The following TANC1 variants were observed in gnomAD, a reference collection of about 807,000 sequenced individuals.
TANC1 encodes the protein protein TANC1.
Under a neutral mutation model 149.7 loss-of-function variants are expected in TANC1, and 77 were observed. The observed-to-expected ratio is 0.51, with a 90% CI of 0.43 to 0.62. TANC1 has a LOEUF of 0.62. Among genes scored for constraint, TANC1 ranks in the 20% least tolerant of loss-of-function variants. TANC1 has a pLI of 0.00. For missense variants in TANC1, 1,985 were observed against 2,321.8 expected (o/e 0.85, Z 2.98); for synonymous variants, 854 against 925.0 (o/e 0.92, Z 1.39).
At chr2:159,133,308 A>G (rs1453967118) in intron 4 of TANC1, among the ~76,000 whole-genome samples, 1 of 151,980 alleles carries the variant, frequency 6.6e-6, no homozygotes, top group Non-Finnish European at 1.5e-5. Context: ...GTGGCAAACC[A>G]AAAGTGTATA....
chr2:158,994,374 A>G (rs1207056871), intron 1 of TANC1, among the ~76,000 whole-genome samples: 1 of 152,048 alleles, frequency 6.6e-6, no homozygotes, highest in South Asian at 2.1e-4. Flanking sequence ...GGGTCAAGCA[A>G]TTTTCCAGCC....
At chr2:158,985,818 A>G (rs544824228) in intron 1 of TANC1, among the ~76,000 whole-genome samples, 1 of 152,056 alleles carries the variant, frequency 6.6e-6, no homozygotes, top group East Asian at 1.9e-4. Context: ...TAATTTTTGT[A>G]TTTTTAGTAG....
intron 1 of TANC1, among the ~76,000 whole-genome samples, chr2:158,985,913 T>C (rs2034948104): frequency 6.6e-6 from 1 of 152,190 alleles, no homozygotes; most frequent in Non-Finnish European, 1.5e-5. Flanking sequence ...AGTGCTGCGA[T>C]TATAAGCATG....
At chr2:159,112,162 G>A (rs2047791961) in intron 4 of TANC1, among the ~76,000 whole-genome samples, 1 of 152,156 alleles carries the variant, frequency 6.6e-6, no homozygotes, top group Non-Finnish European at 1.5e-5. Flanking sequence ...GAATGTGTAT[G>A]CACTCATATG....
chr2:159,062,973 C>CCAAAAAAAAAAAAAA (rs770866772), intron 2 of TANC1, among the ~76,000 whole-genome samples: 4 of 41,208 alleles, frequency 9.7e-5, no homozygotes, highest in Admixed American at 5.7e-4. Flanking sequence ...GACTCCGTCT[C>CCAAAAAAAAAAAAAA]AAAAAAAAAA....
Position 159,163,526 on chromosome 2 carries a change from C to T in TANC1, c.926C>T (p.Pro309Leu), listed in dbSNP as rs773811173. Residue 309 changes from proline to leucine, a missense_variant, in exon 8 of 27, where the codon CCA becomes CTA. This residue lies in a region of TANC1 where 557 missense variants were observed against 612.9 expected (regional missense o/e 0.91). Coordinates refer to ENST00000263635, the MANE Select transcript of TANC1 (RefSeq NM_033394.3). The stretch of plus-strand genomic sequence containing the variant: ...CAGGGCTCCAGCTCACTAATAATGC[C>T]ACGGCCCAACTCAGTTGCAGGTAAG... ...YSQGSSSLIMPRPNSVAATSS... is the reference protein window; with the variant it reads ...YSQGSSSLIMLRPNSVAATSS... The T allele has an allele frequency of 1.9e-6, 3 of 1,612,500 alleles. No individual in the cohort carries two copies. The highest frequency in any genetic ancestry group is 2.2e-5 in the East Asian group (1 of 44,888).
Position 159,229,978 on chromosome 2 carries a change from G to A in TANC1, c.4552G>A (p.Val1518Met). The change falls in exon 27 of 27, where the codon GTG becomes ATG. Residue 1518 changes from valine to methionine, a missense_variant. Physicochemically the swap from Val to Met is conservative, Grantham distance 21. Coordinates refer to ENST00000263635, the MANE Select transcript of TANC1 (RefSeq NM_033394.3). ...AATCGGCAAGTCCCTGAGAGAGCCT[G>A]TGGCCCAGCCAGGGCTGCTCCTGCA... ...AGIGKSLREP[V>M]AQPGLLLQPS... The A allele has an allele frequency of 1.2e-6, 2 of 1,614,074 alleles. No individual in the cohort carries two copies. The highest frequency in any genetic ancestry group is 1.7e-6 in the Non-Finnish European group (2 of 1,180,048).
chr2:158,988,897 C>T (rs750346079), intron 1 of TANC1, among the ~76,000 whole-genome samples: 26 of 152,294 alleles, frequency 1.7e-4, no homozygotes, highest in African/African-American at 4.6e-4. Flanking sequence ...CTCTCACTAT[C>T]GGCTTCCTAA....
In TANC1 at chr2:159,178,935, C is replaced by T. The variant is rs186517022; in HGVS notation, c.2282C>T (p.Ala761Val). The T allele has an allele frequency of 1.2e-5, 20 of 1,614,150 alleles. No individual in the cohort carries two copies. In the East Asian group the frequency reaches 4.2e-4, roughly 34 times the overall value. The part of the protein sequence containing the change: ...FERALPILNV[A>V]LASLHPMTDE... ...AGGGCACTTCCGATTCTCAACGTGGCCCTCGCATCCCTCCACCCCATGACA... is the reference window on the plus strand; with the variant it reads ...AGGGCACTTCCGATTCTCAACGTGGTCCTCGCATCCCTCCACCCCATGACA... Residue 761 changes from alanine (A) to valine (V), a missense_variant, in exon 14 of 27, where the codon GCC (alanine) becomes GTC (valine). By Grantham distance (64) the Ala-to-Val change is moderately conservative. Transcript: ENST00000263635.
chr2:158,995,272 T>C (rs892807670), intron 1 of TANC1, among the ~76,000 whole-genome samples: 2 of 152,188 alleles, frequency 1.3e-5, no homozygotes, highest in Non-Finnish European at 2.9e-5. Context: ...TATTGAAAAT[T>C]GCTAGAAACT....
intron 3 of TANC1, 138 bp from the exon 4 acceptor site, chr2:159,097,499 A>G (rs952523477): frequency 8.8e-6 from 6 of 681,570 alleles, no homozygotes; most frequent in Non-Finnish European, 1.2e-5. Flanking sequence ...GTAGTGGGGG[A>G]AAAGTCATTT....
chr2:159,043,232 C>T (rs1239545995), intron 2 of TANC1, among the ~76,000 whole-genome samples: 4 of 152,138 alleles, frequency 2.6e-5, no homozygotes, highest in African/African-American at 9.7e-5. Context: ...CTCTGTGCCT[C>T]TCGTCTCATA....
chr2:159,074,800 C>T (rs80222873), intron 3 of TANC1, among the ~76,000 whole-genome samples: 6 of 152,194 alleles, frequency 3.9e-5, no homozygotes, highest in South Asian at 2.1e-4. Context: ...CCATGCTGCA[C>T]GCTTGAAAGT....
intron 4 of TANC1, among the ~76,000 whole-genome samples, chr2:159,127,397 T>C (rs2049568550): frequency 6.6e-6 from 1 of 152,204 alleles, no homozygotes; most frequent in Non-Finnish European, 1.5e-5. Flanking sequence ...TGGAAGACAG[T>C]GTGGCGATTC....
chr2:159,208,147 G>C (rs1225052786), intron 19 of TANC1, among the ~76,000 whole-genome samples: 2 of 152,078 alleles, frequency 1.3e-5, no homozygotes, highest in Non-Finnish European at 2.9e-5. Flanking sequence ...ATCCACCCAG[G>C]GTATTTTGTG....
intron 19 of TANC1, among the ~76,000 whole-genome samples, chr2:159,211,460 G>A (rs2058977331): frequency 1.3e-5 from 2 of 152,166 alleles, no homozygotes; most frequent in African/African-American, 4.8e-5. Context: ...CTCTTCTCCT[G>A]CCCTCCCCTG....
At chr2:159,208,388 A>G (rs561080952) in intron 19 of TANC1, among the ~76,000 whole-genome samples, 1 of 152,382 alleles carries the variant, frequency 6.6e-6, no homozygotes, top group South Asian at 2.1e-4. Flanking sequence ...AGTCCTGTTT[A>G]CAGGTGCAGT....
At chr2:159,072,291 A>G (rs1172442947) in intron 3 of TANC1, among the ~76,000 whole-genome samples, 3 of 152,190 alleles carry the variant, frequency 2.0e-5, no homozygotes, top group Non-Finnish European at 2.9e-5. Flanking sequence ...CTGATTTTTA[A>G]TAGGAGCAGG....
intron 4 of TANC1, among the ~76,000 whole-genome samples, chr2:159,119,829 A>G (rs1456228445): frequency 1.3e-5 from 2 of 152,178 alleles, no homozygotes; most frequent in African/African-American, 4.8e-5. Flanking sequence ...TAAACAGATA[A>G]TGGCTGAGCC....
Sources: gnomAD v4.1 joint callset for allele counts (sites outside exome capture counted in the v4.1 genomes callset) on GRCh38, gnomAD v4.1.1 for gene constraint, gnomAD v4.1.1 regional missense constraint, MANE v1.5 for transcripts, NCBI Gene and HGNC (gene_info 2026-07-23, HGNC 2026-07-21) for gene names.